Variants in ATIC observed in about 807,000 individuals in gnomAD.
The protein encoded by ATIC is 5-aminoimidazole-4-carboxamide ribonucleotide formyltransferase/IMP cyclohydrolase.
Under a neutral mutation model 72.5 loss-of-function variants are expected in ATIC, and 64 were observed. The observed-to-expected ratio is 0.88, with a 90% CI of 0.72 to 1.09. ATIC has a LOEUF of 1.09. Among genes scored for constraint, ATIC ranks in the 50% least tolerant of loss-of-function variants. ATIC has a pLI of 0.00. For missense variants in ATIC, 787 were observed against 732.4 expected (o/e 1.07, Z -0.86); for synonymous variants, 281 against 267.1 (o/e 1.05, Z -0.51).
chr2:215,341,969 G>A (rs2053024219), intron 12 of ATIC, among the ~76,000 whole-genome samples: 1 of 152,182 alleles, frequency 6.6e-6, no homozygotes, highest in South Asian at 2.1e-4. Context: ...TCAGAGGGCG[G>A]CAGGAGAGGG....
the ATIC span, among the ~76,000 whole-genome samples, chr2:215,359,849 GTGCTT>G: frequency 2.0e-5 from 3 of 151,958 alleles, no homozygotes; most frequent in Non-Finnish European, 4.4e-5. Context: ...TATTTAAAAA[GTGCTT>G]TGCATGTCTT....
At position 215,325,325 on chromosome 2, in the gene ATIC, C is replaced by T; in HGVS notation, c.375C>T (p.Asp125=). The T allele has an allele frequency of 6.2e-7, 1 of 1,612,010 alleles. No individual in the cohort carries two copies. Among genetic ancestry groups the T allele is most frequent in the African/African-American group, 1.3e-5 (1 of 74,982 alleles). The part of the protein sequence containing the change: ...VTVEEAVEQI[D]IGGVTLLRAA... Reference sequence around the variant, plus strand: ...TTGAGGAGGCTGTGGAGCAAATTGACATTGGTAAGTCAGAAAAACCATTTT... The same window carrying T: ...TTGAGGAGGCTGTGGAGCAAATTGATATTGGTAAGTCAGAAAAACCATTTT... The change falls in exon 5 of 16, where the codon GAC becomes GAT. Residue 125 remains aspartate, a synonymous_variant. Coordinates refer to ENST00000236959, the MANE Select transcript of ATIC (RefSeq NM_004044.7).
At chr2:215,344,703 ATAT>A in intron 12 of ATIC, 73 bp from the exon 13 acceptor site, 1 of 1,406,010 alleles carries the variant, frequency 7.1e-7, no homozygotes, top group Non-Finnish European at 9.9e-7. Context: ...ACAAAAAATA[ATAT>A]TTAAAAAAAG....
At chr2:215,328,012 T>C (rs2052848315) in intron 7 of ATIC, among the ~76,000 whole-genome samples, 1 of 151,912 alleles carries the variant, frequency 6.6e-6, no homozygotes, top group Non-Finnish European at 1.5e-5. Context: ...TAGCTGGGAT[T>C]ACAGGTGCGC....
chr2:215,364,917 C>T, the ATIC span: 8 of 1,572,624 alleles, frequency 5.1e-6, no homozygotes, highest in Admixed American at 1.9e-5. Flanking sequence ...CAAATGGCAC[C>T]GAGATATTCC....
chr2:215,355,429 TC>T, the ATIC span, among the ~76,000 whole-genome samples: 2 of 152,128 alleles, frequency 1.3e-5, no homozygotes, highest in African/African-American at 4.8e-5. Flanking sequence ...TATTGGGGGA[TC>T]CCCTGGGCAC....
chr2:215,319,765 C>T lies in ATIC; in HGVS notation c.290+34C>T, dbSNP rs372474957. ...CTGAAATTAAACTTTTAACACATTA[C>T]GAACCAACGACAAAGACTATGCCAA... On this transcript the variant is annotated intron_variant, in intron 4 of 15. Coordinates refer to ENST00000236959, the MANE Select transcript of ATIC (RefSeq NM_004044.7). The T allele has an allele frequency of 2.4e-5, 36 of 1,521,336 alleles. No individual in the cohort carries two copies. In the East Asian group the frequency reaches 2.9e-4, roughly 12 times the overall value. 94.2% of individuals were successfully genotyped at this position (1,521,336 alleles called of 1,614,324 possible).
Position 215,312,553 on chromosome 2 carries a change from C to T in ATIC, c.75C>T (p.Thr25=). The stretch of plus-strand genomic sequence containing the variant: ...TTGTGGAATTTGCAAGAAACCTGAC[C>T]GCTCTTGGTTTGAATCTGGTCGCTT... The part of the protein sequence containing the change: ...TGLVEFARNL[T]ALGLNLVASG... The change falls in exon 2 of 16, where the codon ACC becomes ACT. Residue 25 remains threonine (T), a synonymous_variant. Transcript: ENST00000236959. The T allele has an allele frequency of 1.9e-6, 3 of 1,614,220 alleles. No individual in the cohort carries two copies. The highest frequency in any genetic ancestry group is 2.5e-6 in the Non-Finnish European group (3 of 1,180,036).
At chr2:215,323,388 A>G (rs1011637377) in intron 4 of ATIC, among the ~76,000 whole-genome samples, 8 of 152,310 alleles carry the variant, frequency 5.3e-5, no homozygotes, top group East Asian at 3.9e-4. Flanking sequence ...CTGTAGATCA[A>G]TTTGGGAAAT....
chr2:215,341,700 T>G (rs968278180), intron 12 of ATIC, among the ~76,000 whole-genome samples: 1 of 152,190 alleles, frequency 6.6e-6, no homozygotes, highest in African/African-American at 2.4e-5. Flanking sequence ...CTTCTCCCAT[T>G]TTTCTTGAAT....
chr2:215,333,372 C>T lies in ATIC; in HGVS notation c.837C>T (p.Leu279=). Residue 279 remains leucine, a synonymous_variant, in exon 9 of 16, where the codon CTC becomes CTT. Coordinates refer to ENST00000236959, the MANE Select transcript of ATIC (RefSeq NM_004044.7). The stretch of plus-strand genomic sequence containing the variant: ...CAGGTGCTGCTGTTGGAATTCCACT[C>T]AGTGAAGATGAGGCCAAAGTCTGCA... ...SPAGAAVGIP[L]SEDEAKVCMV... 1 of 1,614,104 alleles carries T rather than the reference C, an allele frequency of 6.2e-7. No individual in the cohort carries two copies. The highest frequency in any genetic ancestry group is 8.5e-7 in the Non-Finnish European group (1 of 1,180,022).
chr2:215,353,285 G>T (rs2053144420), downstream of ATIC, among the ~76,000 whole-genome samples: 1 of 152,074 alleles, frequency 6.6e-6, no homozygotes, highest in African/African-American at 2.4e-5. Context: ...ATGTACGGTT[G>T]TATTTCCCCC....
chr2:215,365,684 C>G, the ATIC span: 5 of 1,586,770 alleles, frequency 3.2e-6, no homozygotes, highest in Admixed American at 6.7e-5. Flanking sequence ...TTCTGACTCA[C>G]AAGACAGTAG....
At chr2:215,365,966 A>ATTTTTTTT in the ATIC span, among the ~76,000 whole-genome samples, 54 of 90,332 alleles carry the variant, frequency 6.0e-4, no homozygotes, top group African/African-American at 1.7e-3. Context: ...CCACAGTGCT[A>ATTTTTTTT]TTTTTTTTTT....
At chr2:215,365,059 T>G in the ATIC span, 2 of 949,794 alleles carry the variant, frequency 2.1e-6, no homozygotes, top group Non-Finnish European at 3.3e-6. Flanking sequence ...GGGTGGGTTC[T>G]ATTTCTGTCC....
the ATIC span, among the ~76,000 whole-genome samples, chr2:215,356,219 A>G: frequency 2.6e-5 from 4 of 152,216 alleles, no homozygotes; most frequent in Admixed American, 2.0e-4. Context: ...GATGCTGATT[A>G]TTCTTTTCAT....
chr2:215,364,720 G>A, the ATIC span: 1 of 675,150 alleles, frequency 1.5e-6, no homozygotes, highest in Non-Finnish European at 2.7e-6. Context: ...ACATAGAGCT[G>A]CTCTAGAGCT....
chr2:215,320,050 C>T (rs901290882), intron 4 of ATIC, among the ~76,000 whole-genome samples: 5 of 152,100 alleles, frequency 3.3e-5, no homozygotes, highest in Non-Finnish European at 5.9e-5. Context: ...GCCAGTTGAG[C>T]GTCCCTCAGA....
chr2:215,357,852 T>C, the ATIC span, among the ~76,000 whole-genome samples: 1 of 152,108 alleles, frequency 6.6e-6, no homozygotes, highest in Non-Finnish European at 1.5e-5. Flanking sequence ...AGCGGTCTTT[T>C]TTTTTTTTTC....
Sources: gnomAD v4.1 joint callset for allele counts (sites outside exome capture counted in the v4.1 genomes callset) on GRCh38, gnomAD v4.1.1 for gene constraint, MANE v1.5 for transcripts, NCBI Gene and HGNC (gene_info 2026-07-23, HGNC 2026-07-21) for gene names.